The following CPA3 variants were observed in gnomAD, a reference collection of about 807,000 sequenced individuals.
CPA3 encodes the protein mast cell carboxypeptidase A.
In CPA3, 52 loss-of-function variants were observed where a neutral mutation model predicts 55.8. The observed-to-expected ratio is 0.93, with a 90% CI of 0.75 to 1.17. CPA3 has a LOEUF of 1.17. Among genes scored for constraint, CPA3 ranks in the 50% most tolerant of loss-of-function variants. The probability of loss-of-function intolerance (pLI) is 0.00; values close to 1 mark genes in which losing one functional copy is unlikely to be tolerated. For synonymous variants in CPA3, 179 were observed against 171.2 expected, an observed-to-expected ratio of 1.05 and a Z score of -0.36; for missense variants, 547 against 509.1, an observed-to-expected ratio of 1.07 and a Z score of -0.72.
intron 10 of CPA3, among the ~76,000 whole-genome samples, chr3:148,891,917 T>C (rs1516527): frequency 0.97 from 147,286 of 152,310 alleles, 71,244 homozygotes; most frequent in African/African-American, 0.99. Flanking sequence ...TGCATCTTAG[T>C]GTGATTTCTT....
chr3:148,895,386 G>A (rs1281347430), intron 10 of CPA3, among the ~76,000 whole-genome samples: 2 of 152,144 alleles, frequency 1.3e-5, no homozygotes, highest in African/African-American at 4.8e-5. Context: ...TATTTGAGCT[G>A]GCACTGGGCA....
intron 3 of CPA3, among the ~76,000 whole-genome samples, chr3:148,875,350 C>T (rs550050309): frequency 4.4e-4 from 67 of 152,122 alleles, no homozygotes; most frequent in African/African-American, 1.6e-3. Flanking sequence ...CAGATAAGTA[C>T]GACTTCAAGA....
At chr3:148,874,401 C>T (rs1314171513) in intron 3 of CPA3, among the ~76,000 whole-genome samples, 2 of 152,142 alleles carry the variant, frequency 1.3e-5, no homozygotes, top group Admixed American at 6.6e-5. Context: ...GCAAAAGCCA[C>T]GTGCCCTTTT....
At chr3:148,868,384 G>A (rs1713964732) in intron 2 of CPA3, among the ~76,000 whole-genome samples, 1 of 152,140 alleles carries the variant, frequency 6.6e-6, no homozygotes, top group African/African-American at 2.4e-5. Flanking sequence ...TATTTCAGGA[G>A]AGAGGAGTAA....
At chr3:148,893,347 A>G (rs2108040950) in intron 10 of CPA3, among the ~76,000 whole-genome samples, 2 of 152,286 alleles carry the variant, frequency 1.3e-5, no homozygotes, top group Middle Eastern at 6.8e-3. Context: ...AAGGAACCAA[A>G]TGGAAACCAT....
chr3:148,887,777 C>T (rs1490287810), intron 10 of CPA3, among the ~76,000 whole-genome samples: 2 of 152,154 alleles, frequency 1.3e-5, no homozygotes, highest in Admixed American at 1.3e-4. Flanking sequence ...TTCTCAAAAG[C>T]AAGAATTATG....
intron 3 of CPA3, among the ~76,000 whole-genome samples, chr3:148,877,423 G>T (rs1054829268): frequency 6.6e-6 from 1 of 151,008 alleles, no homozygotes; most frequent in Non-Finnish European, 1.5e-5. Flanking sequence ...GAACCCGGGA[G>T]GTGGAGGTTG....
At chr3:148,889,506 A>C (rs2108038977) in intron 10 of CPA3, among the ~76,000 whole-genome samples, 1 of 152,226 alleles carries the variant, frequency 6.6e-6, no homozygotes, top group South Asian at 2.1e-4. Context: ...TAAAATCATA[A>C]ATTTTGAAAC....
At chr3:148,894,374 T>C (rs572438787) in intron 10 of CPA3, among the ~76,000 whole-genome samples, 2 of 148,674 alleles carry the variant, frequency 1.3e-5, no homozygotes, top group South Asian at 4.2e-4. Context: ...AGTGAGACTA[T>C]AAATCAATCA....
At chr3:148,882,431 A>G in intron 7 of CPA3, 74 bp from the exon 8 acceptor site, 1 of 1,243,326 alleles carries the variant, frequency 8.0e-7, no homozygotes. Flanking sequence ...ACACCTGCAG[A>G]GAGAATTTGA....
chr3:148,885,406 CTTTTTTTT>C (rs10712598), intron 9 of CPA3, among the ~76,000 whole-genome samples: 1 of 88,340 alleles, frequency 1.1e-5, no homozygotes, highest in Admixed American at 1.5e-4. Context: ...ATATTTAAGT[CTTTTTTTT>C]TTTTTTTTTT....
At chr3:148,876,548 T>C (rs2108032375) in intron 3 of CPA3, among the ~76,000 whole-genome samples, 1 of 152,260 alleles carries the variant, frequency 6.6e-6, no homozygotes, top group African/African-American at 2.4e-5. Flanking sequence ...GGCTAACTTT[T>C]GTATTTTTAG....
chr3:148,878,132 A>C (rs530432784), intron 3 of CPA3, among the ~76,000 whole-genome samples: 18 of 152,342 alleles, frequency 1.2e-4, no homozygotes, highest in African/African-American at 4.1e-4. Context: ...TTTTTATACT[A>C]TCTTCAAAAT....
chr3:148,896,511 G>A lies in CPA3; in HGVS notation c.1067-9G>A. 2 of 1,508,120 alleles carry A rather than the reference G, an allele frequency of 1.3e-6. No individual in the cohort carries two copies. The highest frequency in any genetic ancestry group is 1.8e-6 in the Non-Finnish European group (2 of 1,112,140). 93.4% of individuals were successfully genotyped at this position (1,508,120 alleles called of 1,614,324 possible). The stretch of plus-strand genomic sequence containing the variant: ...CTCTAATTAAATATTTACTGCTTGT[G>A]TTTTACAGACCCGATATCAGGTTCT... On this transcript the variant is annotated splice_polypyrimidine_tract_variant and intron_variant, in intron 10 of 10. Transcript: ENST00000296046.
At chr3:148,886,984 T>C (rs777644314) in intron 10 of CPA3, among the ~76,000 whole-genome samples, 2 of 152,222 alleles carry the variant, frequency 1.3e-5, no homozygotes, top group South Asian at 2.1e-4. Flanking sequence ...CACTTTTGTT[T>C]CATACTCTCA....
At chr3:148,873,559 A>G (rs545741008) in intron 3 of CPA3, among the ~76,000 whole-genome samples, 2 of 152,310 alleles carry the variant, frequency 1.3e-5, no homozygotes, top group Admixed American at 1.3e-4. Context: ...TGGGACACAG[A>G]CTTCCATGAG....
At position 148,868,932 on chromosome 3, in the gene CPA3, A is replaced by T. The variant is rs376722929; in HGVS notation, c.162A>T (p.Pro54=). The part of the protein sequence containing the change: ...AKTNELDFWY[P]GATHHVAANM... The stretch of plus-strand genomic sequence containing the variant: ...CTCTGCAGCTTGACTTCTGGTATCC[A>T]GGTGCCACCCACCACGTAGCTGCTA... Residue 54 remains proline, a synonymous_variant, in exon 3 of 11, where the codon CCA becomes CCT. Coordinates refer to ENST00000296046, the MANE Select transcript of CPA3 (RefSeq NM_001870.4). 3.1e-6 allele frequency: 5 copies of T among 1,613,764 alleles called. No individual in the cohort carries two copies. In the African/African-American group the frequency reaches 6.7e-5, roughly 22 times the overall value.
Position 148,878,648 on chromosome 3 carries a change from T to G in CPA3, c.374T>G (p.Ile125Ser). 1 of 1,603,970 alleles carries G rather than the reference T, an allele frequency of 6.2e-7. No individual in the cohort carries two copies. Among genetic ancestry groups the G allele is most frequent in the Non-Finnish European group, 8.5e-7 (1 of 1,174,514 alleles). The stretch of plus-strand genomic sequence containing the variant: ...CTCAAAATTGATTTTGCTCTTAAGA[T>G]TGTGGCTTGGACTGAAAAGATGATG... ...SYAKYNNWEKIVAWTEKMMDK... is the reference protein window; with the variant it reads ...SYAKYNNWEKSVAWTEKMMDK... Residue 125 changes from isoleucine (I) to serine (S), a missense_variant and splice_region_variant, in exon 5 of 11, where the codon ATT (isoleucine) becomes AGT (serine). Ile to Ser is a moderately radical substitution (Grantham distance 142). Transcript: ENST00000296046.
At chr3:148,876,154 A>G (rs1374201516) in intron 3 of CPA3, among the ~76,000 whole-genome samples, 1 of 151,694 alleles carries the variant, frequency 6.6e-6, no homozygotes, top group Non-Finnish European at 1.5e-5. Context: ...ATATATGAAT[A>G]CTGTAATAAC....
Sources: gnomAD v4.1 joint callset for allele counts (sites outside exome capture counted in the v4.1 genomes callset) on GRCh38, gnomAD v4.1.1 for gene constraint, MANE v1.5 for transcripts, NCBI Gene and HGNC (gene_info 2026-07-23, HGNC 2026-07-21) for gene names.